CDK8: variants seen among roughly 807,000 people sequenced by gnomAD.
CDK8 encodes the protein cyclin-dependent kinase 8.
In CDK8, 29 loss-of-function variants were observed where a neutral mutation model predicts 71.5. That is an observed-to-expected ratio of 0.41 (90% confidence interval 0.30 to 0.55). The LOEUF (loss-of-function observed/expected upper bound fraction) is 0.55, where lower values mean the gene tolerates loss of function less well. Ranked by LOEUF, CDK8 falls within the 20% of genes least tolerant of loss-of-function variation. The probability of loss-of-function intolerance (pLI) is 0.37; values close to 1 mark genes in which losing one functional copy is unlikely to be tolerated. For missense variants in CDK8, 288 were observed against 572.6 expected (o/e 0.50, Z 5.07); for synonymous variants, 161 against 192.1 (o/e 0.84, Z 1.34).
chr13:26,292,924 T>C (rs1180159445), intron 1 of CDK8, among the ~76,000 whole-genome samples: 1 of 152,196 alleles, frequency 6.6e-6, no homozygotes, highest in Non-Finnish European at 1.5e-5. Flanking sequence ...TTCTGAACTT[T>C]TATGATTATG....
intron 1 of CDK8, among the ~76,000 whole-genome samples, chr13:26,332,355 C>G (rs1359874856): frequency 6.6e-6 from 1 of 151,722 alleles, no homozygotes; most frequent in Non-Finnish European, 1.5e-5. Flanking sequence ...CATGGTGGTG[C>G]GTGCCTGTAA....
chr13:26,331,757 A>G (rs1345125784), intron 1 of CDK8, among the ~76,000 whole-genome samples: 1 of 152,060 alleles, frequency 6.6e-6, no homozygotes, highest in Non-Finnish European at 1.5e-5. Context: ...GCCTCCAGCT[A>G]TGTTCTTTTT....
chr13:26,386,810 C>A (rs1438902225), intron 6 of CDK8, among the ~76,000 whole-genome samples: 1 of 152,190 alleles, frequency 6.6e-6, no homozygotes, highest in Non-Finnish European at 1.5e-5. Context: ...CTAATGAAGT[C>A]TCCTGCCTGT....
chr13:26,281,667 CTCAG>C (rs1872753935), intron 1 of CDK8, among the ~76,000 whole-genome samples: 2 of 104,254 alleles, frequency 1.9e-5, no homozygotes, highest in African/African-American at 1.5e-4. Context: ...AAATAAATAA[CTCAG>C]AAGGTTGATT....
intron 1 of CDK8, among the ~76,000 whole-genome samples, chr13:26,262,850 A>C (rs1018237409): frequency 6.6e-6 from 1 of 152,192 alleles, no homozygotes; most frequent in Non-Finnish European, 1.5e-5. Flanking sequence ...AAAATTATTT[A>C]GACTAACTTC....
intron 5 of CDK8, 73 bp downstream of exon 5, chr13:26,382,944 A>G: frequency 1.1e-6 from 1 of 924,924 alleles, no homozygotes; most frequent in South Asian, 1.7e-5. Context: ...ATCACTTCTA[A>G]TTTTTGCTAT....
intron 9 of CDK8, among the ~76,000 whole-genome samples, chr13:26,398,367 T>G (rs536982236): frequency 3.7e-4 from 56 of 152,280 alleles, no homozygotes; most frequent in African/African-American, 1.3e-3. Flanking sequence ...ATTATTATTC[T>G]CCTTGATTCC....
chr13:26,397,065 A>G, intron 8 of CDK8, 88 bp from the exon 9 acceptor site: 1 of 750,782 alleles, frequency 1.3e-6, no homozygotes, highest in Non-Finnish European at 2.4e-6. Flanking sequence ...ATCGGTTATG[A>G]TCAAAATAAT....
At chr13:26,259,338 T>C (rs1225253709) in intron 1 of CDK8, among the ~76,000 whole-genome samples, 1 of 152,188 alleles carries the variant, frequency 6.6e-6, no homozygotes, top group African/African-American at 2.4e-5. Flanking sequence ...ACTGAGCATG[T>C]ACAGATTTTT....
At chr13:26,268,308 C>CACACACACAG (rs1262327135) in intron 1 of CDK8, among the ~76,000 whole-genome samples, 1 of 99,838 alleles carries the variant, frequency 1.0e-5, no homozygotes, top group Non-Finnish European at 2.2e-5. Flanking sequence ...CACACACACA[C>CACACACACAG]AGTCCTGTGT....
intron 4 of CDK8, among the ~76,000 whole-genome samples, chr13:26,381,899 C>T (rs1593302102): frequency 6.6e-6 from 1 of 152,276 alleles, no homozygotes; most frequent in African/African-American, 2.4e-5. Flanking sequence ...AAACAGGCTT[C>T]ACTACAATCT....
rs368099364 is a variant in CDK8 at position 26,311,410 on chromosome 13, G to T, written c.129-26157G>T. Among the ~76,000 whole-genome samples the T allele has an allele frequency of 1.1e-4, 16 of 152,048 alleles. No homozygotes were observed. In the South Asian group the frequency reaches 2.1e-3, roughly 20 times the overall value. ...TTTGTCTGTTAGAATGCGTTTGGTCGCAAATAATAGGAAATTCTGACTCAG... is the reference window on the plus strand; with the variant it reads ...TTTGTCTGTTAGAATGCGTTTGGTCTCAAATAATAGGAAATTCTGACTCAG... On this transcript the variant is annotated intron_variant, in intron 1 of 12. Transcript: ENST00000381527.
chr13:26,284,777 G>GT (rs1872920348), intron 1 of CDK8, among the ~76,000 whole-genome samples: 1 of 151,726 alleles, frequency 6.6e-6, no homozygotes, highest in Admixed American at 6.6e-5. Flanking sequence ...TTTGAAGCCA[G>GT]TATCACCCTA....
intron 4 of CDK8, among the ~76,000 whole-genome samples, chr13:26,366,317 C>G (rs1254931320): frequency 6.6e-6 from 1 of 152,094 alleles, no homozygotes; most frequent in Non-Finnish European, 1.5e-5. Context: ...AAAATCAGTT[C>G]AACCCAGAAG....
At chr13:26,393,335 T>C in intron 6 of CDK8, 32 bp from the exon 7 acceptor site, 1 of 1,404,740 alleles carries the variant, frequency 7.1e-7, no homozygotes, top group South Asian at 1.4e-5. Context: ...TGCCTATTTT[T>C]CTTTCTTTTT....
At chr13:26,311,546 A>G (rs1347099620) in intron 1 of CDK8, among the ~76,000 whole-genome samples, 1 of 152,204 alleles carries the variant, frequency 6.6e-6, no homozygotes, top group Non-Finnish European at 1.5e-5. Context: ...GATGTCACTA[A>G]GATTCCAGAT....
At chr13:26,313,631 A>G (rs1286397913) in intron 1 of CDK8, among the ~76,000 whole-genome samples, 2 of 152,212 alleles carry the variant, frequency 1.3e-5, no homozygotes, top group African/African-American at 2.4e-5. Flanking sequence ...ATGTGTTACC[A>G]TATTTAATCT....
At chr13:26,322,968 A>G (rs1874849431) in intron 1 of CDK8, among the ~76,000 whole-genome samples, 1 of 152,086 alleles carries the variant, frequency 6.6e-6, no homozygotes, top group Non-Finnish European at 1.5e-5. Context: ...TTTTGTATTT[A>G]GATAGCGGTA....
intron 5 of CDK8, among the ~76,000 whole-genome samples, chr13:26,384,206 G>A (rs1875363229): frequency 6.6e-6 from 1 of 151,458 alleles, no homozygotes. Flanking sequence ...TCAGTATTTA[G>A]TAATCTTATT....
Sources: gnomAD v4.1 joint callset for allele counts (sites outside exome capture counted in the v4.1 genomes callset) on GRCh38, gnomAD v4.1.1 for gene constraint, MANE v1.5 for transcripts, NCBI Gene and HGNC (gene_info 2026-07-23, HGNC 2026-07-21) for gene names.